The following MVB12B variants were observed in gnomAD, a reference collection of about 807,000 sequenced individuals.
MVB12B encodes multivesicular body subunit 12B.
A neutral mutation model predicts 41.6 loss-of-function variants in MVB12B; 16 were observed. The ratio of observed to expected loss-of-function variants is 0.38; its 90% CI spans 0.26 to 0.58. The LOEUF (loss-of-function observed/expected upper bound fraction) is 0.58. Ranked by LOEUF, MVB12B falls within the 20% of genes least tolerant of loss-of-function variation. The pLI is 0.62. For synonymous variants in MVB12B, 133 were observed against 139.7 expected (o/e 0.95, Z 0.34); for missense variants, 274 against 380.2 (o/e 0.72, Z 2.32).
At chr9:126,349,246 AG>A (rs1214877176) in intron 2 of MVB12B, among the ~76,000 whole-genome samples, 1 of 152,186 alleles carries the variant, frequency 6.6e-6, no homozygotes, top group East Asian at 1.9e-4. Context: ...GATTTAGGGC[AG>A]GGGAATCGTG....
At chr9:126,444,553 A>G (rs10122788) in intron 7 of MVB12B, among the ~76,000 whole-genome samples, 71,028 of 151,964 alleles carry the variant, frequency 0.47, 16,823 homozygotes, top group South Asian at 0.54. Flanking sequence ...GTGGAGTTGC[A>G]GGAGCTCCTC....
intron 1 of MVB12B, among the ~76,000 whole-genome samples, chr9:126,331,073 C>G (rs76232052): frequency 0.011 from 1,736 of 152,240 alleles, 26 homozygotes; most frequent in African/African-American, 0.041. Flanking sequence ...GAACATGGGT[C>G]TACAATTCTC....
chr9:126,377,741 T>G (rs908815813), intron 2 of MVB12B, among the ~76,000 whole-genome samples: 1 of 152,104 alleles, frequency 6.6e-6, no homozygotes, highest in African/African-American at 2.4e-5. Context: ...GGGCAGATGT[T>G]CCTCGTACAA....
rs1423343179 is a variant in MVB12B at position 126,436,021 on chromosome 9, T to G, written c.757+14073T>G. ...CATTTATTTTTGCAAACTATTGTTT[T>G]GATTCATCATTTTTGCAGATAATTA... On this transcript the variant is annotated intron_variant, in intron 7 of 9. Transcript: ENST00000361171. The surrounding 1 kb of genome is among the most constrained non-coding windows in gnomAD (Gnocchi z 4.1). 3.3e-5 allele frequency among the ~76,000 whole-genome samples: 5 copies of G among 152,282 alleles called. No individual in the cohort carries two copies. In the East Asian group the frequency reaches 9.6e-4, roughly 29 times the overall value.
chr9:126,404,022 C>T (rs983022647), intron 6 of MVB12B, among the ~76,000 whole-genome samples: 4 of 141,942 alleles, frequency 2.8e-5, no homozygotes, highest in Non-Finnish European at 4.5e-5. Context: ...GCTGCTATCT[C>T]GGCTCACTGC....
chr9:126,356,710 G>A (rs1364402553), intron 2 of MVB12B, among the ~76,000 whole-genome samples: 1 of 152,008 alleles, frequency 6.6e-6, no homozygotes, highest in African/African-American at 2.4e-5. Flanking sequence ...CACGAGGGCG[G>A]ATTTCTCATG....
chr9:126,494,287 C>T (rs1371337955), intron 9 of MVB12B, among the ~76,000 whole-genome samples: 1 of 152,128 alleles, frequency 6.6e-6, no homozygotes, highest in East Asian at 1.9e-4. Context: ...GTCTTGGAGG[C>T]CCCCTTCCCC....
Position 126,478,489 on chromosome 9 carries a change from C to T in MVB12B, c.758-2880C>T, listed in dbSNP as rs931300418. 6.6e-6 allele frequency among the ~76,000 whole-genome samples: 1 copy of T among 152,154 alleles called. No homozygotes were observed. The highest frequency in any genetic ancestry group is 2.4e-5 in the African/African-American group (1 of 41,426). On this transcript the variant is annotated intron_variant, in intron 7 of 9. Transcript: ENST00000361171. The surrounding 1 kb of genome is among the most constrained non-coding windows in gnomAD (Gnocchi z 4.2). ...AAGAGGAGAGGAGACACGGGCCTGGCCAGACCCCAGGGAGGACCTCGGGGA... is the reference window on the plus strand; with the variant it reads ...AAGAGGAGAGGAGACACGGGCCTGGTCAGACCCCAGGGAGGACCTCGGGGA...
intron 7 of MVB12B, among the ~76,000 whole-genome samples, chr9:126,472,364 G>A (rs1833331664): frequency 6.6e-6 from 1 of 151,628 alleles, no homozygotes; most frequent in African/African-American, 2.4e-5. Flanking sequence ...TGGCAGAGCT[G>A]TCTGTGCAAG....
chr9:126,452,502 C>T (rs568499699), intron 7 of MVB12B, among the ~76,000 whole-genome samples: 15 of 152,120 alleles, frequency 9.9e-5, no homozygotes, highest in Non-Finnish European at 2.1e-4. Context: ...TGGGGGCAGC[C>T]GGTGCAACAC....
At chr9:126,454,486 G>C (rs12378551) in intron 7 of MVB12B, among the ~76,000 whole-genome samples, 9,678 of 152,280 alleles carry the variant, frequency 0.064, 489 homozygotes, top group Admixed American at 0.17. Flanking sequence ...ATTGAGCCTC[G>C]GGCTCAGTAA....
intron 2 of MVB12B, among the ~76,000 whole-genome samples, chr9:126,378,086 G>C (rs1830529392): frequency 6.6e-6 from 1 of 152,212 alleles, no homozygotes; most frequent in Non-Finnish European, 1.5e-5. Flanking sequence ...ACTCCATGTT[G>C]CGCATGCTGC....
Position 126,473,658 on chromosome 9 carries a change from G to A in MVB12B, c.758-7711G>A, listed in dbSNP as rs886130209. On this transcript the variant is annotated intron_variant, in intron 7 of 9. Coordinates refer to ENST00000361171, the MANE Select transcript of MVB12B (RefSeq NM_033446.3). This position sits in a 1 kb window ranked among gnomAD's most constrained non-coding sequence, Gnocchi z 4.0. ...ACGCCTTTAAACAACCAGATCTCGC[G>A]AGGACTCACTCGCTATCACAAGGAC... is the stretch of plus-strand genomic sequence containing the variant. 6.6e-6 allele frequency among the ~76,000 whole-genome samples: 1 copy of A among 152,164 alleles called. No homozygotes were observed. Among genetic ancestry groups the A allele is most frequent in the Non-Finnish European group, 1.5e-5 (1 of 68,032 alleles).
At chr9:126,495,085 G>T (rs184234329) in intron 9 of MVB12B, among the ~76,000 whole-genome samples, 5 of 151,928 alleles carry the variant, frequency 3.3e-5, no homozygotes, top group Non-Finnish European at 5.9e-5. Flanking sequence ...CCAGCTACTG[G>T]GGAGGCCAAG....
intron 2 of MVB12B, among the ~76,000 whole-genome samples, chr9:126,366,657 A>G (rs1264915947): frequency 6.6e-6 from 1 of 151,924 alleles, no homozygotes; most frequent in Non-Finnish European, 1.5e-5. Context: ...CATTCCTTCC[A>G]TTTGATTTCA....
At chr9:126,388,676 C>T (rs1830865988) in intron 4 of MVB12B, among the ~76,000 whole-genome samples, 1 of 152,220 alleles carries the variant, frequency 6.6e-6, no homozygotes, top group South Asian at 2.1e-4. Context: ...AATTCCTCCA[C>T]ATCTTCACCA....
chr9:126,419,497 C>T (rs1831935158), intron 6 of MVB12B, among the ~76,000 whole-genome samples: 2 of 152,174 alleles, frequency 1.3e-5, no homozygotes, highest in Admixed American at 6.5e-5. Context: ...CCTCGAGGGG[C>T]GTTGTGAGGA....
At chr9:126,338,610 A>G (rs1037580547) in intron 1 of MVB12B, among the ~76,000 whole-genome samples, 6 of 150,306 alleles carry the variant, frequency 4.0e-5, no homozygotes, top group Non-Finnish European at 8.9e-5. Context: ...CATGTTCTTT[A>G]TTAAATTCAC....
At chr9:126,470,785 C>T (rs978920681) in intron 7 of MVB12B, among the ~76,000 whole-genome samples, 7 of 152,008 alleles carry the variant, frequency 4.6e-5, no homozygotes, top group African/African-American at 9.7e-5. Flanking sequence ...ACATTGCTTC[C>T]GTCCCACCAA....
Sources: gnomAD v4.1 joint callset for allele counts (sites outside exome capture counted in the v4.1 genomes callset) on GRCh38, gnomAD v4.1.1 for gene constraint, Gnocchi (gnomAD v3.1) non-coding constraint, MANE v1.5 for transcripts, NCBI Gene and HGNC (gene_info 2026-07-23, HGNC 2026-07-21) for gene names.